Variants in IQGAP1 observed in about 807,000 individuals in gnomAD.
IQGAP1 encodes the protein ras GTPase-activating-like protein IQGAP1.
Under a neutral mutation model 215.6 loss-of-function variants are expected in IQGAP1, and 66 were observed. That is an observed-to-expected ratio of 0.31 (90% CI 0.25 to 0.38). The LOEUF is 0.38. Ranked by LOEUF, IQGAP1 falls within the 10% of genes least tolerant of loss-of-function variation. IQGAP1 has a pLI of 1.00. For missense variants in IQGAP1, 1,712 were observed against 1,997.1 expected (o/e 0.86, Z 2.72); for synonymous variants, 772 against 728.7 (o/e 1.06, Z -0.96).
At chr15:90,438,266 C>G in intron 5 of IQGAP1, among the ~76,000 whole-genome samples, 1 of 152,162 alleles carries the variant, frequency 6.6e-6, no homozygotes, top group South Asian at 2.1e-4. Flanking sequence ...CTTCTGATCT[C>G]TTCTAATTTA....
intron 36 of IQGAP1, among the ~76,000 whole-genome samples, 157 bp downstream of exon 36, chr15:90,494,992 G>A (rs1260241014): frequency 6.6e-6 from 1 of 152,104 alleles, no homozygotes; most frequent in East Asian, 1.9e-4. Context: ...CATACTCAGA[G>A]TTAATTTGTC....
chr15:90,458,056 A>C (rs1359024162), intron 15 of IQGAP1, among the ~76,000 whole-genome samples: 2 of 152,172 alleles, frequency 1.3e-5, no homozygotes, highest in Non-Finnish European at 2.9e-5. Flanking sequence ...AATCTCCCCC[A>C]GCCCTGGGCA....
intron 2 of IQGAP1, chr15:90,391,382 G>A (rs1964634141): frequency 6.5e-6 from 1 of 153,278 alleles, no homozygotes; most frequent in Non-Finnish European, 1.5e-5. Context: ...ACTGTGATGG[G>A]CATTTAAGTG....
At chr15:90,424,188 G>C (rs1489017232) in intron 2 of IQGAP1, among the ~76,000 whole-genome samples, 1 of 152,024 alleles carries the variant, frequency 6.6e-6, no homozygotes. Flanking sequence ...ATCCTTTTTA[G>C]CAGTAAAAAG....
intron 29 of IQGAP1, among the ~76,000 whole-genome samples, chr15:90,483,846 A>G (rs540871444): frequency 1.3e-5 from 2 of 152,340 alleles, no homozygotes; most frequent in African/African-American, 4.8e-5. Context: ...CATTTAGTAC[A>G]TGTTACCTTG....
intron 2 of IQGAP1, among the ~76,000 whole-genome samples, chr15:90,395,110 A>G (rs1964694094): frequency 6.6e-6 from 1 of 152,254 alleles, no homozygotes; most frequent in East Asian, 1.9e-4. Flanking sequence ...GCTTTTCTTC[A>G]TTGTTTGGAG....
intron 17 of IQGAP1, 138 bp downstream of exon 17, chr15:90,466,574 G>C: frequency 1.3e-6 from 1 of 781,678 alleles, no homozygotes; most frequent in South Asian, 2.0e-5. Context: ...TTTTAAAGGA[G>C]ATAAAATCCC....
chr15:90,394,188 GTT>G (rs34483049), intron 2 of IQGAP1, among the ~76,000 whole-genome samples: 36 of 124,240 alleles, frequency 2.9e-4, no homozygotes, highest in East Asian at 4.7e-4. Context: ...TGATCTTCAG[GTT>G]TTTTTTTTTT....
At chr15:90,495,901 G>A (rs1236315692) in intron 36 of IQGAP1, among the ~76,000 whole-genome samples, 1 of 148,932 alleles carries the variant, frequency 6.7e-6, no homozygotes, top group Non-Finnish European at 1.5e-5. Flanking sequence ...AGCCTCCTTT[G>A]GGATTACAGG....
chr15:90,493,120 A>G (rs1267753086), intron 35 of IQGAP1, among the ~76,000 whole-genome samples: 4 of 151,970 alleles, frequency 2.6e-5, no homozygotes, highest in South Asian at 2.1e-4. Context: ...GCACGCACCT[A>G]TAGTCCCAGC....
chr15:90,466,990 G>A (rs1474939270), intron 17 of IQGAP1, among the ~76,000 whole-genome samples: 1 of 152,120 alleles, frequency 6.6e-6, no homozygotes, highest in Non-Finnish European at 1.5e-5. Context: ...TACCCGGGAG[G>A]CTGGGGCCGG....
intron 19 of IQGAP1, chr15:90,473,464 T>C: frequency 2.1e-6 from 1 of 470,848 alleles, no homozygotes; most frequent in Non-Finnish European, 3.9e-6. Flanking sequence ...AGCCAGTAAA[T>C]GAATCTGTAT....
intron 33 of IQGAP1, among the ~76,000 whole-genome samples, chr15:90,488,930 T>C (rs1177570140): frequency 6.6e-6 from 1 of 152,162 alleles, no homozygotes; most frequent in African/African-American, 2.4e-5. Context: ...AATTTGTCAC[T>C]GCAGAGATAA....
intron 2 of IQGAP1, among the ~76,000 whole-genome samples, chr15:90,396,792 A>T (rs1162403551): frequency 1.3e-5 from 2 of 152,112 alleles, no homozygotes; most frequent in Non-Finnish European, 2.9e-5. Flanking sequence ...GGGAGTATTC[A>T]TTCCTAATGT....
intron 31 of IQGAP1, chr15:90,486,613 C>T (rs945012762): frequency 7.4e-5 from 16 of 215,510 alleles, no homozygotes; most frequent in African/African-American, 3.4e-4. Flanking sequence ...AGGCTGGTCT[C>T]GAACTCCTGG....
chr15:90,475,039 G>T (rs550268254), intron 23 of IQGAP1, among the ~76,000 whole-genome samples: 2 of 127,628 alleles, frequency 1.6e-5, no homozygotes, highest in East Asian at 4.7e-4. Context: ...CCCTCTCGTC[G>T]CTCAGGCTGG....
intron 15 of IQGAP1, among the ~76,000 whole-genome samples, chr15:90,464,788 C>T (rs1334270193): frequency 6.6e-6 from 1 of 151,294 alleles, no homozygotes; most frequent in African/African-American, 2.4e-5. Context: ...GAAGGCAGAG[C>T]TTGCAGTGAG....
rs1041894641 is a variant in IQGAP1, at chr15:90,470,733, A to G, written c.2179-2107A>G. Among the ~76,000 whole-genome samples the G allele has an allele frequency of 9.2e-5, 14 of 152,234 alleles. No individual in the cohort carries two copies. In the East Asian group the frequency reaches 2.7e-3, roughly 29 times the overall value. ...GTTTCCTGTCCAGCTTTTACTTAGTAAAACTCTTATTTTAGAATTCATCAA... is the reference window on the plus strand; with the variant it reads ...GTTTCCTGTCCAGCTTTTACTTAGTGAAACTCTTATTTTAGAATTCATCAA... On this transcript the variant is annotated intron_variant, in intron 18 of 37. Transcript: ENST00000268182.
At position 90,488,230 on chromosome 15, in the gene IQGAP1, T is replaced by TAAATAAATA. The variant is rs148489814; in HGVS notation, c.4248+650_4248+651insATAAATAAA. On this transcript the variant is annotated intron_variant, in intron 33 of 37. Transcript: ENST00000268182. Reference sequence around the variant, plus strand: ...AGCGAGACTCCGTCTCAAAAAATAATAATAAATAAATAAATAAATAAATAA... The same window carrying TAAATAAATA: ...AGCGAGACTCCGTCTCAAAAAATAATAAATAAATAAATAAATAAATAAATAAATAAATAA... 9.3e-4 allele frequency among the ~76,000 whole-genome samples: 137 copies of TAAATAAATA among 147,688 alleles called. 1 individual carries two copies. The highest frequency in any genetic ancestry group is 3.5e-3 in the Middle Eastern group (1 of 286).
Sources: allele counts gnomAD v4.1 joint callset (sites outside exome capture counted in the v4.1 genomes callset), GRCh38; gene constraint gnomAD v4.1.1; transcripts MANE v1.5; gene names NCBI Gene and HGNC (gene_info 2026-07-23, HGNC 2026-07-21).